Variants in COG3 observed in about 807,000 individuals in gnomAD.
COG3 encodes the protein component of oligomeric golgi complex 3.
In COG3, 32 loss-of-function variants were observed where a neutral mutation model predicts 114.1. That is an observed-to-expected ratio of 0.28 (90% confidence interval 0.21 to 0.38). The LOEUF is 0.38. COG3 is among the 10% of genes least tolerant of loss of function. The pLI, the probability that COG3 is intolerant of heterozygous loss-of-function variation, is 1.00. For missense variants in COG3, 813 were observed against 973.2 expected (o/e 0.84, Z 2.19); for synonymous variants, 352 against 365.7 (o/e 0.96, Z 0.43).
intron 22 of COG3, chr13:45,531,125 T>TA: frequency 1.7e-5 from 16 of 961,106 alleles, no homozygotes; most frequent in Non-Finnish European, 2.0e-5. Flanking sequence ...ATACATTTTT[T>TA]AAAAAAATTT....
chr13:45,493,324 A>T, intron 11 of COG3, 23 bp from the exon 12 acceptor site: 1 of 1,586,084 alleles, frequency 6.3e-7, no homozygotes, highest in Non-Finnish European at 8.6e-7. Context: ...CTACTAATAG[A>T]CATTTTTATT....
rs1873506336 is a variant in COG3, at chr13:45,535,693, T to C, written c.*962T>C. 1.0e-6 allele frequency: 1 copy of C among 982,516 alleles called. No individual in the cohort carries two copies. Among genetic ancestry groups the C allele is most frequent in the Admixed American group, 6.2e-5 (1 of 16,050 alleles). 60.9% of individuals were successfully genotyped at this position (982,516 alleles called of 1,614,324 possible). A position where few individuals can be genotyped will look rare whatever the true frequency, so the allele number is the denominator to read the frequency against. ...GCTGTGGACCAGCTGTGTGGATCTC[T>C]AGCCCAGCTACAGCAGAATACATTT... On this transcript the variant is annotated 3_prime_UTR_variant, in exon 23 of 23. Transcript: ENST00000349995.
At position 45,479,034 on chromosome 13, in the gene COG3, T is replaced by G. The variant is rs145829171; in HGVS notation, c.351T>G (p.Thr117=). ...TCTCATGGTTTGCAAAGCTGCAAAC[T>G]CAGATGGATCAAGATGAAGGAACTA... ...QFFSWFAKLQ[T]QMDQDEGTKY... The change falls in exon 3 of 23, where the codon ACT becomes ACG. Residue 117 remains threonine, a synonymous_variant. Coordinates refer to ENST00000349995, the MANE Select transcript of COG3 (RefSeq NM_031431.4). The G allele has an allele frequency of 1.0e-4, 165 of 1,611,540 alleles. No individual in the cohort carries two copies. The highest frequency in any genetic ancestry group is 1.3e-4 in the Non-Finnish European group (159 of 1,179,216).
intron 20 of COG3, among the ~76,000 whole-genome samples, chr13:45,526,076 A>ATTTTTTTTTTTTTTTTTTTTT (rs386379016): frequency 3.5e-5 from 2 of 56,582 alleles, no homozygotes; most frequent in Non-Finnish European, 6.1e-5. Flanking sequence ...CAAAATTTTA[A>ATTTTTTTTTTTTTTTTTTTTT]TTTTTTTTTT....
At position 45,512,303 on chromosome 13, in the gene COG3, A is replaced by G. The variant is rs1441412333; in HGVS notation, c.1809+449A>G. Among the ~76,000 whole-genome samples, 3 of 152,170 alleles carry G rather than the reference A, an allele frequency of 2.0e-5. No individual in the cohort carries two copies. In the East Asian group the frequency reaches 5.8e-4, roughly 29 times the overall value. On this transcript the variant is annotated intron_variant, in intron 16 of 22. Transcript: ENST00000349995. ...TTGTGGCTCTGGGTTGTGTGACTAG[A>G]AGGAGTCACCATGACTGTATGGCTT...
rs1886308996 is a variant in COG3, at chr13:45,482,473, T to C, written c.717T>C (p.His239=). ...LDDCITYISS[H]PNFKDYPIYL... is the part of the protein sequence containing the mutation. ...ATTGTATAACATATATCTCATCTCA[T>C]GTAAGTCAGAGTATTTTTGCATGTT... Residue 239 remains histidine (H), a splice_region_variant and synonymous_variant, in exon 6 of 23, where the codon CAT becomes CAC. Transcript: ENST00000349995. The C allele has an allele frequency of 1.4e-6, 2 of 1,381,116 alleles. No homozygotes were observed. Among genetic ancestry groups the C allele is most frequent in the African/African-American group, 1.5e-5 (1 of 68,696 alleles). The allele number at this position is 1,381,116 out of a possible 1,614,324, so 85.6% of individuals were successfully genotyped here. A position where few individuals can be genotyped will look rare whatever the true frequency, so the allele number is the denominator to read the frequency against.
At chr13:45,486,870 T>C (rs1386628798) in intron 8 of COG3, among the ~76,000 whole-genome samples, 1 of 152,124 alleles carries the variant, frequency 6.6e-6, no homozygotes, top group Non-Finnish European at 1.5e-5. Context: ...ATAAGGTGTT[T>C]TGATAAAGAG....
chr13:45,465,361 C>A, intron 1 of COG3, 151 bp downstream of exon 1: 1 of 1,294,832 alleles, frequency 7.7e-7, no homozygotes, highest in Non-Finnish European at 1.0e-6. Context: ...GGGGCCTCAT[C>A]TCCCAGGCTG....
chr13:45,501,489 T>A (rs373344899), intron 13 of COG3, among the ~76,000 whole-genome samples: 2 of 152,256 alleles, frequency 1.3e-5, no homozygotes, highest in African/African-American at 4.8e-5. Context: ...TATGTCCTTT[T>A]GACATACTCA....
chr13:45,501,315 G>A lies in COG3; in HGVS notation c.1489-1929G>A, dbSNP rs556333778. 2.0e-5 allele frequency among the ~76,000 whole-genome samples: 3 copies of A among 152,210 alleles called. No homozygotes were observed. In the South Asian group the frequency reaches 6.2e-4, roughly 32 times the overall value. ...CAGTTTGTTGATTCAATCACTTACTGATGTCAGTGTGGACTTGGTCTCTTT... is the reference window on the plus strand; with the variant it reads ...CAGTTTGTTGATTCAATCACTTACTAATGTCAGTGTGGACTTGGTCTCTTT... On this transcript the variant is annotated intron_variant, in intron 13 of 22. Coordinates refer to ENST00000349995, the MANE Select transcript of COG3 (RefSeq NM_031431.4).
chr13:45,520,343 G>T (rs1871998478), intron 19 of COG3, among the ~76,000 whole-genome samples: 1 of 149,052 alleles, frequency 6.7e-6, no homozygotes, highest in South Asian at 2.2e-4. Flanking sequence ...AAAACGTCTT[G>T]AAATTTTTAT....
At chr13:45,478,954 T>C (rs746222639) in intron 2 of COG3, 51 bp from the exon 3 acceptor site, 7 of 1,329,174 alleles carry the variant, frequency 5.3e-6, no homozygotes, top group Non-Finnish European at 7.5e-6. Flanking sequence ...TAGCCACTTT[T>C]AATTTTGTCA....
At chr13:45,518,736 A>G in intron 17 of COG3, 26 bp from the exon 18 acceptor site, 1 of 1,565,324 alleles carries the variant, frequency 6.4e-7, no homozygotes, top group Non-Finnish European at 8.8e-7. Context: ...TTACATGTTC[A>G]CTGGATGAGT....
At chr13:45,473,071 G>A (rs564440524) in intron 1 of COG3, among the ~76,000 whole-genome samples, 5 of 152,048 alleles carry the variant, frequency 3.3e-5, no homozygotes, top group Non-Finnish European at 5.9e-5. Flanking sequence ...GGGTTTCACC[G>A]TGTTAGTCAG....
chr13:45,509,535 T>G (rs1176775195), intron 14 of COG3, among the ~76,000 whole-genome samples, 157 bp from the exon 15 acceptor site: 1 of 152,262 alleles, frequency 6.6e-6, no homozygotes, highest in African/African-American at 2.4e-5. Flanking sequence ...TTTAGATTTC[T>G]TAGGGTATTC....
At chr13:45,517,594 T>G (rs963259343) in intron 17 of COG3, among the ~76,000 whole-genome samples, 3 of 151,548 alleles carry the variant, frequency 2.0e-5, no homozygotes, top group Non-Finnish European at 4.4e-5. Flanking sequence ...ATACCCTGGC[T>G]TTTGCCTTTA....
chr13:45,502,344 G>A (rs1225021000), intron 13 of COG3, among the ~76,000 whole-genome samples: 1 of 152,164 alleles, frequency 6.6e-6, no homozygotes, highest in Non-Finnish European at 1.5e-5. Flanking sequence ...CCTTCCCAGT[G>A]TAATTTAGTG....
rs1566258979 is a variant in COG3 at position 45,503,279 on chromosome 13, G to C, written c.1524G>C (p.Lys508Asn). 6.2e-7 allele frequency: 1 copy of C among 1,604,904 alleles called. No individual in the cohort carries two copies. Among genetic ancestry groups the C allele is most frequent in the Non-Finnish European group, 8.5e-7 (1 of 1,171,962 alleles). ...IAQSLKDEQK[K>N]VPSEASFSDV... The stretch of plus-strand genomic sequence containing the variant: ...AGAGTTTGAAAGATGAACAGAAGAA[G>C]GTACCTTCAGAAGCTTCATTTTCAG... The change falls in exon 14 of 23, where the codon AAG becomes AAC. Residue 508 changes from lysine to asparagine, a missense_variant. By Grantham distance (94) the Lys-to-Asn change is moderately conservative. Transcript: ENST00000349995.
At position 45,480,138 on chromosome 13, in the gene COG3, T is replaced by C; in HGVS notation, c.397T>C (p.Tyr133His). The change falls in exon 4 of 23, where the codon TAC (tyrosine) becomes CAC (histidine). Residue 133 changes from tyrosine (Y) to histidine (H), a missense_variant. Transcript: ENST00000349995. Reference sequence around the variant, plus strand: ...TCTGTTTTCTAGACAGATGAGGGATTACTTGTCTGGGTTTCAGGAGCAGTG... The same window carrying C: ...TCTGTTTTCTAGACAGATGAGGGATCACTTGTCTGGGTTTCAGGAGCAGTG... ...EGTKYRQMRD[Y>H]LSGFQEQCDA... 1 of 1,611,878 alleles carries C rather than the reference T, an allele frequency of 6.2e-7. No homozygotes were observed. Among genetic ancestry groups the C allele is most frequent in the Non-Finnish European group, 8.5e-7 (1 of 1,178,622 alleles).
Sources: allele counts gnomAD v4.1 joint callset (sites outside exome capture counted in the v4.1 genomes callset), GRCh38; gene constraint gnomAD v4.1.1; transcripts MANE v1.5; gene names NCBI Gene and HGNC (gene_info 2026-07-23, HGNC 2026-07-21).